Variants in MKLN1 observed in about 807,000 individuals in gnomAD.
MKLN1 encodes muskelin 1.
A neutral mutation model predicts 99.0 loss-of-function variants in MKLN1; 18 were observed. The ratio of observed to expected loss-of-function variants is 0.18; its 90% CI spans 0.13 to 0.27. The LOEUF (loss-of-function observed/expected upper bound fraction) is 0.27. MKLN1 is among the 10% of genes least tolerant of loss of function. The pLI, the probability that MKLN1 is intolerant of heterozygous loss-of-function variation, is 1.00. For synonymous variants in MKLN1, 288 were observed against 293.2 expected (o/e 0.98, Z 0.18); for missense variants, 621 against 875.9 (o/e 0.71, Z 3.67).
intron 1 of MKLN1, among the ~76,000 whole-genome samples, chr7:131,362,038 T>G (rs772739695): frequency 4.6e-5 from 7 of 152,122 alleles, no homozygotes; most frequent in Non-Finnish European, 2.9e-5. Context: ...GCCTTTAAAC[T>G]TGAAAGATAG....
At chr7:131,169,021 C>G (rs1382284099) in intron 2 of MKLN1, among the ~76,000 whole-genome samples, 2 of 152,188 alleles carry the variant, frequency 1.3e-5, no homozygotes, top group Non-Finnish European at 2.9e-5. Flanking sequence ...GCACCCACCA[C>G]CACGCCTGGC....
chr7:131,217,981 C>T (rs968933786), intron 3 of MKLN1, among the ~76,000 whole-genome samples: 9 of 152,116 alleles, frequency 5.9e-5, no homozygotes, highest in South Asian at 2.1e-4. Context: ...TTCTCAAATC[C>T]GCCTCCCCAA....
intron 3 of MKLN1, among the ~76,000 whole-genome samples, chr7:131,287,188 G>T (rs1475173217): frequency 6.6e-6 from 1 of 152,208 alleles, no homozygotes; most frequent in Non-Finnish European, 1.5e-5. Context: ...ATATCCTCCT[G>T]TCCCATCTGA....
At chr7:131,398,322 G>A (rs1335929124) in intron 5 of MKLN1, among the ~76,000 whole-genome samples, 1 of 152,088 alleles carries the variant, frequency 6.6e-6, no homozygotes, top group Non-Finnish European at 1.5e-5. Context: ...TAAATTAAGT[G>A]CCTGCTTTTT....
intron 9 of MKLN1, among the ~76,000 whole-genome samples, chr7:131,433,491 C>G (rs1194379423): frequency 6.6e-6 from 1 of 152,106 alleles, no homozygotes; most frequent in Admixed American, 6.5e-5. Context: ...CATTACTCAT[C>G]AAACTCTCAC....
intron 3 of MKLN1, among the ~76,000 whole-genome samples, chr7:131,289,866 T>G (rs1456608579): frequency 1.3e-5 from 2 of 152,242 alleles, no homozygotes; most frequent in Non-Finnish European, 2.9e-5. Context: ...TTGGCCTCAT[T>G]GCTGCACCTC....
At chr7:131,265,916 G>A (rs1159373625) in intron 3 of MKLN1, among the ~76,000 whole-genome samples, 1 of 152,162 alleles carries the variant, frequency 6.6e-6, no homozygotes, top group East Asian at 1.9e-4. Context: ...GCTCATGCCT[G>A]TAATCCCAAC....
chr7:131,426,438 T>C (rs961449187), intron 8 of MKLN1, among the ~76,000 whole-genome samples: 2 of 152,206 alleles, frequency 1.3e-5, no homozygotes, highest in African/African-American at 4.8e-5. Context: ...CAGATGAAAA[T>C]TCTTTAATTT....
intron 16 of MKLN1, among the ~76,000 whole-genome samples, chr7:131,474,744 A>G (rs1220963059): frequency 6.6e-6 from 1 of 152,212 alleles, no homozygotes; most frequent in South Asian, 2.1e-4. Context: ...ATAAACCCCA[A>G]GCAAGACTTA....
At chr7:131,475,866 T>A (rs1326222655) in intron 16 of MKLN1, among the ~76,000 whole-genome samples, 1 of 151,980 alleles carries the variant, frequency 6.6e-6, no homozygotes, top group Non-Finnish European at 1.5e-5. Flanking sequence ...GCAAAGAAAA[T>A]CATGGACCAA....
At chr7:131,250,786 G>A (rs1797565910) in intron 3 of MKLN1, among the ~76,000 whole-genome samples, 1 of 152,158 alleles carries the variant, frequency 6.6e-6, no homozygotes, top group Non-Finnish European at 1.5e-5. Context: ...GAGGGCACAG[G>A]GAAGCAGATG....
chr7:131,138,708 A>AT (rs948972831), intron 1 of MKLN1, among the ~76,000 whole-genome samples: 9 of 152,092 alleles, frequency 5.9e-5, no homozygotes, highest in African/African-American at 1.7e-4. Flanking sequence ...ATGAAAAAAA[A>AT]AATTCTTCAG....
chr7:131,181,816 C>G (rs926717876), intron 2 of MKLN1, among the ~76,000 whole-genome samples: 1 of 152,116 alleles, frequency 6.6e-6, no homozygotes, highest in Non-Finnish European at 1.5e-5. Flanking sequence ...CAAGCCACCA[C>G]GCCCAGCTAA....
intron 3 of MKLN1, among the ~76,000 whole-genome samples, chr7:131,279,632 A>G (rs974435643): frequency 6.6e-5 from 10 of 151,782 alleles, no homozygotes; most frequent in African/African-American, 2.2e-4. Flanking sequence ...ACAAAGAGAA[A>G]CCCAATCTTT....
Position 131,161,614 on chromosome 7 carries a change from C to G in MKLN1, c.-297+18673C>G, listed in dbSNP as rs368421513. On this transcript the variant is annotated intron_variant, in intron 2 of 7. Coordinates refer to the MKLN1 transcript ENST00000416992. ...TCGCCCAGGCTGGAGTGCAGTGGTGCGATCTCGGCTCACTGCAAGCTCCGC... is the reference window on the plus strand; with the variant it reads ...TCGCCCAGGCTGGAGTGCAGTGGTGGGATCTCGGCTCACTGCAAGCTCCGC... Among the ~76,000 whole-genome samples the G allele has an allele frequency of 3.6e-3, 552 of 152,098 alleles. 2 individuals are homozygous for G. The highest frequency in any genetic ancestry group is 0.013 in the African/African-American group (522 of 41,490).
At chr7:131,304,513 C>A (rs1798426380) in intron 3 of MKLN1, among the ~76,000 whole-genome samples, 1 of 152,162 alleles carries the variant, frequency 6.6e-6, no homozygotes, top group Admixed American at 6.5e-5. Flanking sequence ...ATATTAGTTT[C>A]TTCATCTGTT....
intron 2 of MKLN1, among the ~76,000 whole-genome samples, chr7:131,156,707 T>C (rs1372694266): frequency 2.0e-5 from 3 of 152,220 alleles, no homozygotes; most frequent in Non-Finnish European, 4.4e-5. Context: ...GTAGGTTAAG[T>C]GTATTACATG....
intron 3 of MKLN1, among the ~76,000 whole-genome samples, chr7:131,307,373 G>T (rs1240322180): frequency 1.3e-5 from 2 of 152,154 alleles, no homozygotes; most frequent in African/African-American, 4.8e-5. Flanking sequence ...CTGGGGCACT[G>T]CCTAGTGGAC....
At chr7:131,129,700 A>G (rs1795519258) in intron 1 of MKLN1, among the ~76,000 whole-genome samples, 1 of 152,160 alleles carries the variant, frequency 6.6e-6, no homozygotes, top group African/African-American at 2.4e-5. Context: ...CAGCCTCTGA[A>G]TTAGCTGGGA....
Sources: allele counts gnomAD v4.1 joint callset (sites outside exome capture counted in the v4.1 genomes callset), GRCh38; gene constraint gnomAD v4.1.1; transcripts MANE v1.5; gene names NCBI Gene and HGNC (gene_info 2026-07-23, HGNC 2026-07-21).